The following NUP35 variants were observed in gnomAD, a reference collection of about 807,000 sequenced individuals.
NUP35 encodes nucleoporin 35.
A neutral mutation model predicts 41.5 loss-of-function variants in NUP35; 25 were observed. The ratio of observed to expected loss-of-function variants is 0.60; its 90% CI spans 0.44 to 0.84. NUP35 has a LOEUF of 0.84. NUP35 is among the 40% of genes least tolerant of loss of function. The pLI, the probability that NUP35 is intolerant of heterozygous loss-of-function variation, is 0.00. For synonymous variants in NUP35, 149 were observed against 130.7 expected, an observed-to-expected ratio of 1.14 and a Z score of -0.96; for missense variants, 396 against 396.6, an observed-to-expected ratio of 1.00 and a Z score of 0.01.
intron 4 of NUP35, among the ~76,000 whole-genome samples, chr2:183,145,168 G>A (rs1016759478): frequency 2.0e-5 from 3 of 152,252 alleles, no homozygotes; most frequent in South Asian, 2.1e-4. Context: ...ACTTACTAAA[G>A]CAATAGTTGG....
At position 183,134,782 on chromosome 2, in the gene NUP35, A is replaced by ATTT. The variant is rs3030669; in HGVS notation, c.397+1172_397+1174dup. ...AGGTGCTCGCCACTGCGCCTGGCTA[A>ATTT]TTTTTTTTTTTTTTTGTATTTTTGG... is the stretch of plus-strand genomic sequence containing the variant. On this transcript the variant is annotated intron_variant, in intron 4 of 8. Coordinates refer to ENST00000295119, the MANE Select transcript of NUP35 (RefSeq NM_138285.5). Among the ~76,000 whole-genome samples, 18 of 138,746 alleles carry ATTT rather than the reference A, an allele frequency of 1.3e-4. 1 individual carries two copies. Among genetic ancestry groups the ATTT allele is most frequent in the South Asian group, 9.4e-4 (4 of 4,270 alleles). 91.0% of individuals were successfully genotyped at this position (138,746 alleles called of 152,430 possible).
chr2:183,133,688 G>A (rs1041262038), intron 4 of NUP35, 65 bp downstream of exon 4: 28 of 1,122,306 alleles, frequency 2.5e-5, no homozygotes, highest in Non-Finnish European at 3.4e-5. Context: ...TACCCACGCT[G>A]GAGTGCAGTG....
Position 183,137,691 on chromosome 2 carries a change from G to T in NUP35, c.397+4068G>T, listed in dbSNP as rs555569300. 2.1e-3 allele frequency among the ~76,000 whole-genome samples: 320 copies of T among 152,160 alleles called. 2 individuals are homozygous for T. Among genetic ancestry groups the T allele is most frequent in the Middle Eastern group, 0.014 (4 of 294 alleles). ...GCCTATAATTCCAGCGCTATGGGAG[G>T]TCAAGGTGGGAAGACCGCTTGAGCC... On this transcript the variant is annotated intron_variant, in intron 4 of 8. Transcript: ENST00000295119.
intron 4 of NUP35, among the ~76,000 whole-genome samples, chr2:183,137,208 A>G (rs1381550187): frequency 6.6e-6 from 1 of 152,220 alleles, no homozygotes; most frequent in Non-Finnish European, 1.5e-5. Flanking sequence ...AATGTCTAGG[A>G]AAATTAGTGC....
At position 183,130,431 on chromosome 2, in the gene NUP35, A is replaced by G. The variant is rs773644403; in HGVS notation, c.225A>G (p.Pro75=). 29 of 1,584,294 alleles carry G rather than the reference A, an allele frequency of 1.8e-5. No individual in the cohort carries two copies. The highest frequency in any genetic ancestry group is 2.5e-5 in the Non-Finnish European group (29 of 1,169,420). ...TGTACACTGTAGGTGGGTCACCACCACAACCAGTTGTACCAGCTCATAAAG... is the reference window on the plus strand; with the variant it reads ...TGTACACTGTAGGTGGGTCACCACCGCAACCAGTTGTACCAGCTCATAAAG... The part of the protein sequence containing the change: ...RSPLLAGGSP[P]QPVVPAHKDK... The change falls in exon 3 of 9, where the codon CCA becomes CCG. Residue 75 remains proline (P), a synonymous_variant. Transcript: ENST00000295119.
At chr2:183,117,652 A>G (rs1431905385) in intron 1 of NUP35, 4 of 152,160 alleles carry the variant, frequency 2.6e-5, no homozygotes, top group Non-Finnish European at 5.9e-5. Flanking sequence ...CTTCACTTCA[A>G]TTTTAAAAAA....
chr2:183,135,322 A>T (rs1052170875), intron 4 of NUP35, among the ~76,000 whole-genome samples: 1 of 152,196 alleles, frequency 6.6e-6, no homozygotes, highest in African/African-American at 2.4e-5. Context: ...GGTAGGGAAT[A>T]GTATTCTAGA....
Position 183,159,592 on chromosome 2 carries a change from T to C in NUP35, c.843T>C (p.Pro281=), listed in dbSNP as rs372236953. 2 of 1,613,274 alleles carry C rather than the reference T, an allele frequency of 1.2e-6. No homozygotes were observed. The highest frequency in any genetic ancestry group is 1.7e-6 in the Non-Finnish European group (2 of 1,179,520). The change falls in exon 8 of 9, where the codon CCT becomes CCC. Residue 281 remains proline, a synonymous_variant. Transcript: ENST00000295119. ...LGTPTQPGST[P]RISTMRPLAT... ...CACCAACACAACCTGGAAGTACTCC[T>C]AGGATTTCTACCATGAGACCTCTTG...
At chr2:183,149,495 G>T (rs1247131200) in intron 4 of NUP35, among the ~76,000 whole-genome samples, 1 of 152,164 alleles carries the variant, frequency 6.6e-6, no homozygotes, top group Non-Finnish European at 1.5e-5. Context: ...TCATGAATCT[G>T]CTTCTCTTTT....
chr2:183,157,270 G>A (rs1169313060), intron 5 of NUP35, among the ~76,000 whole-genome samples, 174 bp from the exon 6 acceptor site: 1 of 152,156 alleles, frequency 6.6e-6, no homozygotes, highest in Non-Finnish European at 1.5e-5. Context: ...TTGCTTTTGA[G>A]TGACTAGTCA....
At chr2:183,156,380 A>T (rs1685666843) in intron 5 of NUP35, among the ~76,000 whole-genome samples, 1 of 152,056 alleles carries the variant, frequency 6.6e-6, no homozygotes, top group Non-Finnish European at 1.5e-5. Flanking sequence ...TTACTCTGTC[A>T]CCCGGCTGGA....
chr2:183,145,011 A>G (rs1472089717), intron 4 of NUP35, among the ~76,000 whole-genome samples: 1 of 152,202 alleles, frequency 6.6e-6, no homozygotes, highest in African/African-American at 2.4e-5. Context: ...ACTAAATTTT[A>G]TCTTCTTAAT....
At chr2:183,118,658 A>G (rs1317490817) in intron 1 of NUP35, 1 of 152,234 alleles carries the variant, frequency 6.6e-6, no homozygotes, top group Non-Finnish European at 1.5e-5. Flanking sequence ...GGTCTGCAAC[A>G]ACAATTCTTG....
chr2:183,138,202 T>G (rs1367318154), intron 4 of NUP35, among the ~76,000 whole-genome samples: 1 of 146,686 alleles, frequency 6.8e-6, no homozygotes, highest in Non-Finnish European at 1.5e-5. Flanking sequence ...AAAAGAGAAT[T>G]GACAGGAAAA....
intron 5 of NUP35, among the ~76,000 whole-genome samples, chr2:183,156,143 A>G (rs1201748513): frequency 6.6e-6 from 1 of 152,062 alleles, no homozygotes; most frequent in African/African-American, 2.4e-5. Context: ...AGAGTTTTAG[A>G]ATTATGTTTT....
In NUP35 at chr2:183,161,173, G is replaced by C. The variant is rs1298798996; in HGVS notation, c.*42G>C. On this transcript the variant is annotated 3_prime_UTR_variant, in exon 9 of 9. Coordinates refer to ENST00000295119, the MANE Select transcript of NUP35 (RefSeq NM_138285.5). ...AGGTTGCTACACTAAAACAGAGTTA[G>C]CAGAGTGCTGCTGGTTCCTTCGGTT... 7.0e-7 allele frequency: 1 copy of C among 1,434,262 alleles called. No homozygotes were observed. Among genetic ancestry groups the C allele is most frequent in the African/African-American group, 1.4e-5 (1 of 71,490 alleles). The allele number at this position is 1,434,262 out of a possible 1,614,324, so 88.8% of individuals were successfully genotyped here. A position where few individuals can be genotyped will look rare whatever the true frequency, so the allele number is the denominator to read the frequency against.
chr2:183,118,766 G>A (rs1187211097), intron 1 of NUP35: 2 of 152,142 alleles, frequency 1.3e-5, no homozygotes, highest in Non-Finnish European at 2.9e-5. Context: ...CTTGAGAGGA[G>A]GAATGAAAAG....
At chr2:183,135,218 A>G (rs1413789696) in intron 4 of NUP35, among the ~76,000 whole-genome samples, 1 of 152,208 alleles carries the variant, frequency 6.6e-6, no homozygotes, top group Non-Finnish European at 1.5e-5. Context: ...GGATTAGGTC[A>G]TGGACATCAT....
chr2:183,137,343 C>A (rs1684910170), intron 4 of NUP35, among the ~76,000 whole-genome samples: 2 of 152,070 alleles, frequency 1.3e-5, no homozygotes, highest in South Asian at 4.1e-4. Flanking sequence ...GCCTGTAATC[C>A]CGAGGCAGGT....
Sources: gnomAD v4.1 joint callset for allele counts (sites outside exome capture counted in the v4.1 genomes callset) on GRCh38, gnomAD v4.1.1 for gene constraint, MANE v1.5 for transcripts, NCBI Gene and HGNC (gene_info 2026-07-23, HGNC 2026-07-21) for gene names.